SLC16A2: variants seen among roughly 807,000 people sequenced by gnomAD.
SLC16A2 encodes monocarboxylate transporter 8.
A neutral mutation model predicts 27.2 loss-of-function variants in SLC16A2; 3 were observed. The observed-to-expected ratio is 0.11, with a 90% confidence interval of 0.05 to 0.28. The LOEUF is 0.28. Among genes scored for constraint, SLC16A2 ranks in the 10% least tolerant of loss-of-function variants. The probability of loss-of-function intolerance (pLI) is 1.00; values close to 1 mark genes in which losing one functional copy is unlikely to be tolerated. For missense variants in SLC16A2, 295 were observed against 458.5 expected (o/e 0.64, Z 3.26); for synonymous variants, 202 against 187.8 (o/e 1.08, Z -0.62).
intron 1 of SLC16A2, among the ~76,000 whole-genome samples, chrX:74,500,653 A>C (rs1421859006): frequency 9.0e-6 from 1 of 111,529 alleles, no homozygotes; most frequent in East Asian, 2.8e-4. Context: ...TACAACATTT[A>C]GTTTTCCAGA....
At chrX:74,462,645 A>G (rs1373230034) in intron 1 of SLC16A2, among the ~76,000 whole-genome samples, 2 of 111,652 alleles carry the variant, frequency 1.8e-5, no homozygotes, top group African/African-American at 6.5e-5. Flanking sequence ...CCAGCATCTC[A>G]CAACTTCTGT....
intron 1 of SLC16A2, among the ~76,000 whole-genome samples, chrX:74,435,504 T>A (rs1928608790): frequency 1.1e-5 from 1 of 95,212 alleles, no homozygotes; most frequent in Non-Finnish European, 2.0e-5. Context: ...CTTATATATA[T>A]GTATATGCAT....
At chrX:74,434,780 C>CTG (rs1349716096) in intron 1 of SLC16A2, among the ~76,000 whole-genome samples, 1 of 108,811 alleles carries the variant, frequency 9.2e-6, no homozygotes, top group Admixed American at 9.8e-5. Context: ...TAAAAATTCC[C>CTG]TGTGTGTGTG....
At chrX:74,462,311 T>C (rs1478969236) in intron 1 of SLC16A2, among the ~76,000 whole-genome samples, 1 of 111,710 alleles carries the variant, frequency 9.0e-6, no homozygotes, top group Non-Finnish European at 1.9e-5. Flanking sequence ...TTTTTGGTTA[T>C]AGTTTGGTGT....
intron 1 of SLC16A2, among the ~76,000 whole-genome samples, chrX:74,447,726 C>T (rs757218411): frequency 7.5e-4 from 81 of 108,202 alleles, no homozygotes; most frequent in Non-Finnish European, 1.0e-3. Context: ...TGCCTGCAAT[C>T]CCAGCACTCT....
chrX:74,469,674 G>A (rs1029194133), intron 1 of SLC16A2, among the ~76,000 whole-genome samples: 2 of 110,674 alleles, frequency 1.8e-5, no homozygotes, highest in African/African-American at 6.6e-5. Context: ...TTTTAAAGAC[G>A]ATTTTAGGGC....
chrX:74,475,621 A>G (rs375206756), intron 1 of SLC16A2, among the ~76,000 whole-genome samples: 1 of 112,140 alleles, frequency 8.9e-6, no homozygotes, highest in African/African-American at 3.2e-5. Flanking sequence ...TAGGTCTAAC[A>G]TTTAAATCTT....
chrX:74,492,192 T>A (rs1228696829), intron 1 of SLC16A2, among the ~76,000 whole-genome samples: 3 of 110,288 alleles, frequency 2.7e-5, no homozygotes, highest in Non-Finnish European at 5.7e-5. Flanking sequence ...CCCCTAAGAG[T>A]TGAATATTGG....
intron 1 of SLC16A2, among the ~76,000 whole-genome samples, chrX:74,454,976 T>A (rs1437635790): frequency 2.7e-5 from 3 of 112,412 alleles, no homozygotes; most frequent in Non-Finnish European, 5.6e-5. Flanking sequence ...TGTCTTATTA[T>A]CTGCATTGTT....
intron 1 of SLC16A2, among the ~76,000 whole-genome samples, chrX:74,515,354 A>C (rs1004118398): frequency 1.8e-5 from 2 of 111,156 alleles, no homozygotes; most frequent in Admixed American, 1.9e-4. Flanking sequence ...TCCAATCTGG[A>C]CCACAGAGAG....
chrX:74,488,557 A>C (rs780004857), intron 1 of SLC16A2, among the ~76,000 whole-genome samples: 2 of 112,143 alleles, frequency 1.8e-5, no homozygotes, highest in South Asian at 3.7e-4. Flanking sequence ...ATCTCTAGAA[A>C]GACTATTATA....
chrX:74,455,970 G>A (rs1273427757), intron 1 of SLC16A2, among the ~76,000 whole-genome samples: 1 of 112,224 alleles, frequency 8.9e-6, no homozygotes, highest in Non-Finnish European at 1.9e-5. Context: ...GTTAGGCTGT[G>A]GGGAACTGAA....
chrX:74,427,819 A>G (rs148973677), intron 1 of SLC16A2, among the ~76,000 whole-genome samples: 20,611 of 107,487 alleles, frequency 0.19, 2,159 homozygotes, highest in East Asian at 0.89. Context: ...GCGCACACAC[A>G]CACACACACA....
intron 1 of SLC16A2, among the ~76,000 whole-genome samples, chrX:74,479,843 A>G (rs1424077361): frequency 9.0e-6 from 1 of 111,505 alleles, no homozygotes; most frequent in African/African-American, 3.3e-5. Flanking sequence ...GTTCCTCTGG[A>G]AGTTTTGTCT....
At chrX:74,509,569 T>C (rs753328140) in intron 1 of SLC16A2, among the ~76,000 whole-genome samples, 1 of 110,495 alleles carries the variant, frequency 9.1e-6, no homozygotes, top group African/African-American at 3.3e-5. Flanking sequence ...TGATGTTTTT[T>C]CCCCTTTTTT....
chrX:74,433,761 T>G (rs1395503348), intron 1 of SLC16A2, among the ~76,000 whole-genome samples: 1 of 111,977 alleles, frequency 8.9e-6, no homozygotes, highest in Non-Finnish European at 1.9e-5. Context: ...CATATCACAA[T>G]CTATTTAATC....
chrX:74,517,600 A>G (rs183291564), intron 1 of SLC16A2, among the ~76,000 whole-genome samples: 2 of 112,004 alleles, frequency 1.8e-5, no homozygotes, highest in Admixed American at 9.5e-5. Flanking sequence ...TAAAAATAAC[A>G]TCAGATTTAT....
intron 1 of SLC16A2, among the ~76,000 whole-genome samples, chrX:74,510,121 C>T (rs1250636578): frequency 8.9e-6 from 1 of 111,747 alleles, no homozygotes; most frequent in Admixed American, 9.5e-5. Flanking sequence ...TGGTCAGCCC[C>T]TCTATGATTC....
At position 74,531,932 on chromosome X, in the gene SLC16A2, A is replaced by G. The variant is rs1169773203; in HGVS notation, c.*379A>G. The stretch of plus-strand genomic sequence containing the variant: ...GGTGCTACTGTGTCCCCAGGAGCCT[A>G]ATAGGGTAGGCCCAAATCTCTGTTT... On this transcript the variant is annotated 3_prime_UTR_variant, in exon 6 of 6. Coordinates refer to ENST00000587091, the MANE Select transcript of SLC16A2 (RefSeq NM_006517.5). The G allele has an allele frequency of 4.0e-6, 1 of 249,085 alleles. No homozygotes were observed. Among genetic ancestry groups the G allele is most frequent in the Non-Finnish European group, 7.3e-6 (1 of 137,858 alleles). The allele number at this position is 249,085 out of a possible 1,213,427, so 20.5% of individuals were successfully genotyped here.
Sources: allele counts gnomAD v4.1 joint callset (sites outside exome capture counted in the v4.1 genomes callset), GRCh38; gene constraint gnomAD v4.1.1; transcripts MANE v1.5; gene names NCBI Gene and HGNC (gene_info 2026-07-23, HGNC 2026-07-21).